SCEL: variants seen among roughly 807,000 people sequenced by gnomAD.
SCEL encodes the protein sciellin.
A neutral mutation model predicts 117.6 loss-of-function variants in SCEL; 113 were observed. The observed-to-expected ratio is 0.96, with a 90% CI of 0.83 to 1.12. SCEL has a LOEUF of 1.12. SCEL is among the 50% of genes most tolerant of loss of function. The probability of loss-of-function intolerance (pLI) is 0.00; values close to 1 mark genes in which losing one functional copy is unlikely to be tolerated. For synonymous variants in SCEL, 270 were observed against 256.2 expected (o/e 1.05, Z -0.51); for missense variants, 785 against 810.8 (o/e 0.97, Z 0.39).
Position 77,603,076 on chromosome 13 carries a change from A to G in SCEL, c.1038A>G (p.Arg346=). The change falls in exon 18 of 33, where the codon AGA becomes AGG. Residue 346 remains arginine, a splice_region_variant and synonymous_variant. Coordinates refer to ENST00000349847, the MANE Select transcript of SCEL (RefSeq NM_144777.3). Reference sequence around the variant, plus strand: ...CTGATATAAACTTTTTTTTTTAAAGAAGTGAAGACCTTGATAATGCTACTG... The same window carrying G: ...CTGATATAAACTTTTTTTTTTAAAGGAGTGAAGACCTTGATAATGCTACTG... The part of the protein sequence containing the change: ...VNARMNKTSR[R]SEDLDNATEV... 6.5e-7 allele frequency: 1 copy of G among 1,531,748 alleles called. No individual in the cohort carries two copies. Among genetic ancestry groups the G allele is most frequent in the Non-Finnish European group, 8.8e-7 (1 of 1,136,026 alleles). The allele number at this position is 1,531,748 out of a possible 1,614,324, so 94.9% of individuals were successfully genotyped here. A position where few individuals can be genotyped will look rare whatever the true frequency, so the allele number is the denominator to read the frequency against.
chr13:77,554,256 C>G (rs2084521307), intron 1 of SCEL, among the ~76,000 whole-genome samples: 1 of 152,112 alleles, frequency 6.6e-6, no homozygotes, highest in South Asian at 2.1e-4. Context: ...CTTTTTTATC[C>G]CGAGTCAGTC....
intron 11 of SCEL, among the ~76,000 whole-genome samples, chr13:77,593,298 C>CGCGCGTCTGTGTGTGTG (rs1195863187): frequency 4.1e-5 from 3 of 73,676 alleles, no homozygotes; most frequent in African/African-American, 1.8e-4. Flanking sequence ...GTGTGTGTGT[C>CGCGCGTCTGTGTGTGTG]TGTGTGTGTG....
At chr13:77,612,302 CT>C in intron 22 of SCEL, among the ~76,000 whole-genome samples, 1 of 152,146 alleles carries the variant, frequency 6.6e-6, no homozygotes, top group African/African-American at 2.4e-5. Context: ...AACATAAATT[CT>C]ATAAACTGAG....
chr13:77,603,582 C>T (rs1249527449), intron 18 of SCEL, among the ~76,000 whole-genome samples: 1 of 152,168 alleles, frequency 6.6e-6, no homozygotes, highest in African/African-American at 2.4e-5. Flanking sequence ...CCTCCCACCA[C>T]TTTTTCTCCT....
intron 9 of SCEL, among the ~76,000 whole-genome samples, chr13:77,585,245 T>C (rs553789438): frequency 6.6e-6 from 1 of 152,198 alleles, no homozygotes; most frequent in Non-Finnish European, 1.5e-5. Context: ...TAGTGTGATA[T>C]GTGCTGTGAA....
At chr13:77,557,380 T>C (rs1319072522) in intron 3 of SCEL, among the ~76,000 whole-genome samples, 2 of 152,248 alleles carry the variant, frequency 1.3e-5, no homozygotes, top group Admixed American at 1.3e-4. Flanking sequence ...TGTCCGATTA[T>C]ATATTATGTT....
At chr13:77,597,768 G>C (rs771378392) in intron 13 of SCEL, among the ~76,000 whole-genome samples, 179 bp downstream of exon 13, 1 of 151,882 alleles carries the variant, frequency 6.6e-6, no homozygotes, top group Admixed American at 6.5e-5. Context: ...GGTTATTAAA[G>C]TCTGAAGATA....
At chr13:77,644,002 C>T (rs1465660724) in intron 32 of SCEL, among the ~76,000 whole-genome samples, 1 of 152,046 alleles carries the variant, frequency 6.6e-6, no homozygotes, top group African/African-American at 2.4e-5. Flanking sequence ...ATATGTACTC[C>T]CTAGGCATTG....
At chr13:77,563,772 A>T in intron 4 of SCEL, 59 bp from the exon 5 acceptor site, 1 of 1,361,128 alleles carries the variant, frequency 7.3e-7, no homozygotes, top group East Asian at 2.3e-5. Context: ...TAGGTTTTAT[A>T]AACTTTTTTT....
chr13:77,553,652 A>C (rs1462648171), intron 1 of SCEL, among the ~76,000 whole-genome samples: 2 of 151,970 alleles, frequency 1.3e-5, no homozygotes, highest in Admixed American at 6.6e-5. Context: ...TCAGCTGCCC[A>C]AGTTCAAGTC....
chr13:77,609,307 CTT>C (rs1224069811), intron 21 of SCEL, among the ~76,000 whole-genome samples, 190 bp downstream of exon 21: 2 of 152,180 alleles, frequency 1.3e-5, no homozygotes, highest in Non-Finnish European at 2.9e-5. Flanking sequence ...GACAATTACT[CTT>C]TGACTAATCA....
At chr13:77,624,414 C>T (rs2089613793) in intron 27 of SCEL, among the ~76,000 whole-genome samples, 1 of 152,098 alleles carries the variant, frequency 6.6e-6, no homozygotes, top group African/African-American at 2.4e-5. Flanking sequence ...AGAAAACTGT[C>T]TTCACTTTAT....
At chr13:77,576,242 A>G (rs2085934854) in intron 9 of SCEL, among the ~76,000 whole-genome samples, 1 of 152,044 alleles carries the variant, frequency 6.6e-6, no homozygotes, top group Non-Finnish European at 1.5e-5. Context: ...TGATCTTGTG[A>G]CCCTTCAAAG....
intron 3 of SCEL, among the ~76,000 whole-genome samples, chr13:77,557,579 A>G (rs1376931259): frequency 6.6e-6 from 1 of 152,180 alleles, no homozygotes; most frequent in African/African-American, 2.4e-5. Flanking sequence ...GCACATAGCT[A>G]TTTAGTGGTA....
At chr13:77,539,392 T>C (rs1376905901) in intron 1 of SCEL, among the ~76,000 whole-genome samples, 1 of 151,826 alleles carries the variant, frequency 6.6e-6, no homozygotes, top group Non-Finnish European at 1.5e-5. Flanking sequence ...ATTTAAAATC[T>C]AGATTTAAAA....
chr13:77,631,793 A>G (rs893284588), intron 28 of SCEL, among the ~76,000 whole-genome samples: 1 of 152,278 alleles, frequency 6.6e-6, no homozygotes, highest in Non-Finnish European at 1.5e-5. Flanking sequence ...TAATCACATT[A>G]TAAACACAAC....
intron 1 of SCEL, 100 bp from the exon 2 acceptor site, chr13:77,555,757 A>T: frequency 1.3e-6 from 1 of 795,298 alleles, no homozygotes; most frequent in East Asian, 2.5e-5. Context: ...TCCTGTGACT[A>T]TGTCACTGTC....
chr13:77,625,183 A>G (rs530728752), intron 27 of SCEL, among the ~76,000 whole-genome samples: 1 of 152,206 alleles, frequency 6.6e-6, no homozygotes, highest in African/African-American at 2.4e-5. Flanking sequence ...AAATTGGATC[A>G]TGGAATACCA....
chr13:77,615,840 T>C (rs1270075691), intron 24 of SCEL, among the ~76,000 whole-genome samples: 1 of 152,152 alleles, frequency 6.6e-6, no homozygotes, highest in Non-Finnish European at 1.5e-5. Flanking sequence ...TTATGTTTTC[T>C]AAGCTAATGT....
Sources: gnomAD v4.1 joint callset for allele counts (sites outside exome capture counted in the v4.1 genomes callset) on GRCh38, gnomAD v4.1.1 for gene constraint, MANE v1.5 for transcripts, NCBI Gene and HGNC (gene_info 2026-07-23, HGNC 2026-07-21) for gene names.